The following CDK6 variants were observed in gnomAD, a reference collection of about 807,000 sequenced individuals.
CDK6 encodes the protein cyclin dependent kinase 6.
A neutral mutation model predicts 37.1 loss-of-function variants in CDK6; 6 were observed. That is an observed-to-expected ratio of 0.16 (90% CI 0.09 to 0.32). The LOEUF is 0.32. CDK6 is among the 10% of genes least tolerant of loss of function. The pLI, the probability that CDK6 is intolerant of heterozygous loss-of-function variation, is 1.00. For synonymous variants in CDK6, 160 were observed against 161.3 expected (o/e 0.99, Z 0.06); for missense variants, 224 against 418.9 (o/e 0.53, Z 4.06).
At chr7:92,696,480 A>AT (rs1162548988) in intron 4 of CDK6, among the ~76,000 whole-genome samples, 2 of 152,142 alleles carry the variant, frequency 1.3e-5, no homozygotes, top group African/African-American at 4.8e-5. Context: ...ATATATGTGT[A>AT]TTTTTTTAAT....
chr7:92,737,415 C>T (rs1798813580), intron 3 of CDK6, among the ~76,000 whole-genome samples: 1 of 152,198 alleles, frequency 6.6e-6, no homozygotes, highest in Non-Finnish European at 1.5e-5. Flanking sequence ...GAATGTATTA[C>T]ATGTTTCATT....
chr7:92,796,777 C>CT (rs890572016), intron 2 of CDK6, among the ~76,000 whole-genome samples: 4 of 151,896 alleles, frequency 2.6e-5, no homozygotes, highest in African/African-American at 9.7e-5. Context: ...ACCAGTTAAA[C>CT]TTTTTTTTAA....
chr7:92,634,541 C>T (rs754714580), intron 5 of CDK6, among the ~76,000 whole-genome samples: 23 of 151,898 alleles, frequency 1.5e-4, no homozygotes, highest in Admixed American at 2.6e-4. Flanking sequence ...AAATGCATTT[C>T]AGGAAATCCC....
intron 2 of CDK6, among the ~76,000 whole-genome samples, chr7:92,794,271 A>G (rs1800351051): frequency 6.6e-6 from 1 of 152,156 alleles, no homozygotes; most frequent in Non-Finnish European, 1.5e-5. Context: ...TAATACAGGT[A>G]CCATCATCTC....
At chr7:92,679,778 T>C (rs1797289911) in intron 4 of CDK6, among the ~76,000 whole-genome samples, 1 of 151,982 alleles carries the variant, frequency 6.6e-6, no homozygotes, top group Non-Finnish European at 1.5e-5. Context: ...TGGAGTGCAG[T>C]GGTGTGATCT....
intron 3 of CDK6, among the ~76,000 whole-genome samples, chr7:92,733,787 G>A (rs921066557): frequency 3.9e-5 from 6 of 152,026 alleles, no homozygotes; most frequent in Admixed American, 3.3e-4. Context: ...AATATTTAGA[G>A]TAAATTTTAA....
intron 2 of CDK6, among the ~76,000 whole-genome samples, chr7:92,778,551 AAC>A (rs1799904846): frequency 1.3e-5 from 2 of 152,170 alleles, no homozygotes; most frequent in Admixed American, 6.5e-5. Flanking sequence ...AATTCAAGAT[AAC>A]TACAACTATT....
intron 7 of CDK6, 31 bp from the exon 8 acceptor site, chr7:92,615,317 A>G (rs534177427): frequency 4.2e-6 from 4 of 944,264 alleles, no homozygotes; most frequent in African/African-American, 1.6e-5. Flanking sequence ...ATTGGTTGAT[A>G]TACAATACAT....
intron 4 of CDK6, among the ~76,000 whole-genome samples, chr7:92,715,990 T>C (rs1798222228): frequency 6.6e-6 from 1 of 152,170 alleles, no homozygotes; most frequent in South Asian, 2.1e-4. Flanking sequence ...TGAAGCACAA[T>C]AATTATCTGA....
At chr7:92,775,571 CAAAATT>C (rs1441256402) in intron 2 of CDK6, among the ~76,000 whole-genome samples, 2 of 151,916 alleles carry the variant, frequency 1.3e-5, no homozygotes, top group Non-Finnish European at 1.5e-5. Flanking sequence ...TAAAATAAGA[CAAAATT>C]TAAGTTTTAA....
At chr7:92,808,198 A>C (rs1369698969) in intron 2 of CDK6, among the ~76,000 whole-genome samples, 1 of 152,220 alleles carries the variant, frequency 6.6e-6, no homozygotes, top group Non-Finnish European at 1.5e-5. Context: ...ACACTCATTA[A>C]ATCAGCAGAT....
intron 3 of CDK6, among the ~76,000 whole-genome samples, chr7:92,740,408 G>A (rs1798891977): frequency 6.6e-6 from 1 of 152,028 alleles, no homozygotes; most frequent in South Asian, 2.1e-4. Context: ...CACATCCTGG[G>A]CAATTCTCCT....
chr7:92,728,675 A>G (rs902109157), intron 3 of CDK6, among the ~76,000 whole-genome samples: 19 of 152,210 alleles, frequency 1.2e-4, no homozygotes, highest in African/African-American at 4.6e-4. Flanking sequence ...TGACTGCACT[A>G]ACGTTGATTC....
rs78065312 is a variant in CDK6 at position 92,835,464 on chromosome 7, C to A, written c.-368+1014G>T. Reference sequence around the variant, plus strand: ...CGGGAGCAGCAATGCCTTTTCCCCCCCTCTCCTCCACTTTTTTTTGTTGTT... The same window carrying A: ...CGGGAGCAGCAATGCCTTTTCCCCCACTCTCCTCCACTTTTTTTTGTTGTT... On this transcript the variant is annotated intron_variant, in intron 1 of 7. Coordinates refer to ENST00000424848, the MANE Select transcript of CDK6 (RefSeq NM_001145306.2). The surrounding 1 kb of genome is among the most constrained non-coding windows in gnomAD (Gnocchi z 4.2). 1.5e-4 allele frequency among the ~76,000 whole-genome samples: 23 copies of A among 152,216 alleles called. No homozygotes were observed. In the East Asian group the frequency reaches 3.3e-3, roughly 22 times the overall value.
At chr7:92,737,320 G>C (rs1798811858) in intron 3 of CDK6, among the ~76,000 whole-genome samples, 2 of 152,112 alleles carry the variant, frequency 1.3e-5, no homozygotes, top group African/African-American at 4.8e-5. Flanking sequence ...TAAAATATCT[G>C]TTGTTTTAAT....
chr7:92,639,987 T>G (rs1039048341), intron 5 of CDK6, among the ~76,000 whole-genome samples: 3 of 152,240 alleles, frequency 2.0e-5, no homozygotes, highest in African/African-American at 7.2e-5. Flanking sequence ...CAAGGGTATC[T>G]ATCTCTCTAA....
At chr7:92,633,269 A>G (rs770509148) in intron 5 of CDK6, among the ~76,000 whole-genome samples, 10 of 152,180 alleles carry the variant, frequency 6.6e-5, no homozygotes, top group African/African-American at 9.7e-5. Flanking sequence ...GTAGAATCCA[A>G]TGATGTGTGA....
chr7:92,717,868 C>A (rs544818858), intron 4 of CDK6, among the ~76,000 whole-genome samples: 3 of 152,238 alleles, frequency 2.0e-5, no homozygotes, highest in Non-Finnish European at 4.4e-5. Flanking sequence ...GGAATACATT[C>A]TCTTTCTACA....
chr7:92,642,993 C>T (rs573414194), intron 5 of CDK6, among the ~76,000 whole-genome samples: 1 of 151,884 alleles, frequency 6.6e-6, no homozygotes, highest in Admixed American at 6.6e-5. Flanking sequence ...CTCCTGAGCT[C>T]AGGTGATCCT....
Sources: allele counts gnomAD v4.1 joint callset (sites outside exome capture counted in the v4.1 genomes callset), GRCh38; gene constraint gnomAD v4.1.1; non-coding constraint Gnocchi (gnomAD v3.1); transcripts MANE v1.5; gene names NCBI Gene and HGNC (gene_info 2026-07-23, HGNC 2026-07-21).